TBCE: variants seen among roughly 807,000 people sequenced by gnomAD.
The protein encoded by TBCE is tubulin-specific chaperone E.
In TBCE, 53 loss-of-function variants were observed where a neutral mutation model predicts 77.0. The observed-to-expected ratio is 0.69, with a 90% CI of 0.55 to 0.87. The LOEUF is 0.87. Among genes scored for constraint, TBCE ranks in the 40% least tolerant of loss-of-function variants. The pLI, the probability that TBCE is intolerant of heterozygous loss-of-function variation, is 0.00. For missense variants in TBCE, 624 were observed against 622.4 expected, an observed-to-expected ratio of 1.00 and a Z score of -0.03; for synonymous variants, 235 against 241.3, an observed-to-expected ratio of 0.97 and a Z score of 0.24.
chr1:235,404,044 C>A (rs750696341), intron 3 of TBCE, among the ~76,000 whole-genome samples: 2 of 152,084 alleles, frequency 1.3e-5, no homozygotes, highest in Non-Finnish European at 2.9e-5. Context: ...TTTGGGAGGC[C>A]AAGGCAGGCG....
intron 2 of TBCE, among the ~76,000 whole-genome samples, chr1:235,382,061 A>T (rs966064871): frequency 6.8e-6 from 1 of 147,394 alleles, no homozygotes; most frequent in East Asian, 2.0e-4. Context: ...GAGAACATGC[A>T]GTGTTTGGTT....
chr1:235,446,829 C>T (rs539001401), intron 15 of TBCE, among the ~76,000 whole-genome samples: 135 of 151,722 alleles, frequency 8.9e-4, no homozygotes, highest in African/African-American at 2.9e-3. Flanking sequence ...GGACTAGAGG[C>T]GTACATCGCT....
chr1:235,369,827 T>A (rs1676797041), intron 1 of TBCE, among the ~76,000 whole-genome samples: 1 of 144,998 alleles, frequency 6.9e-6, no homozygotes, highest in Non-Finnish European at 1.5e-5. Flanking sequence ...GGCAAAACTC[T>A]GTCTCAAAAA....
intron 1 of TBCE, among the ~76,000 whole-genome samples, chr1:235,378,365 C>T (rs573822227): frequency 3.3e-5 from 5 of 149,928 alleles, no homozygotes; most frequent in African/African-American, 7.4e-5. Flanking sequence ...GGACTACAGG[C>T]GTGTGCCACA....
At chr1:235,399,621 G>C (rs2102853956) in intron 2 of TBCE, among the ~76,000 whole-genome samples, 1 of 152,306 alleles carries the variant, frequency 6.6e-6, no homozygotes, top group South Asian at 2.1e-4. Flanking sequence ...CCCTTCCCCT[G>C]TACCTCGCCT....
chr1:235,399,000 C>G (rs545956501), intron 2 of TBCE, among the ~76,000 whole-genome samples: 94 of 150,934 alleles, frequency 6.2e-4, no homozygotes, highest in African/African-American at 2.2e-3. Flanking sequence ...GTCACTCAGG[C>G]TGGAGTGCAG....
At chr1:235,431,213 C>T (rs12726892) in intron 7 of TBCE, among the ~76,000 whole-genome samples, 19,621 of 152,064 alleles carry the variant, frequency 0.13, 1,619 homozygotes, top group African/African-American at 0.23. Flanking sequence ...GTTAGAAGTT[C>T]GGCTCTTGGA....
Position 235,449,978 on chromosome 1 carries a change from T to G in TBCE, c.*1216T>G. ...AAATAACTTGGTATTTTTCTGATAATCTTCCAATAGATAAATAAAAACTTT... is the reference window on the plus strand; with the variant it reads ...AAATAACTTGGTATTTTTCTGATAAGCTTCCAATAGATAAATAAAAACTTT... On this transcript the variant is annotated 3_prime_UTR_variant, in exon 17 of 17. Transcript: ENST00000642610. The G allele has an allele frequency of 2.5e-6, 1 of 392,330 alleles. No homozygotes were observed. Among genetic ancestry groups the G allele is most frequent in the Non-Finnish European group, 4.5e-6 (1 of 221,504 alleles). The allele number at this position is 392,330 out of a possible 1,614,324, so 24.3% of individuals were successfully genotyped here. A position where few individuals can be genotyped will look rare whatever the true frequency, so the allele number is the denominator to read the frequency against.
Position 235,380,061 on chromosome 1 carries a change from T to C in TBCE, c.12T>C (p.Thr4=). ...CTGGATATATTATAATGAGTGACAC[T>C]TTGACAGCGGATGTCATTGGTCGAA... MSD[T]LTADVIGRRV... Residue 4 remains threonine (T), a synonymous_variant, in exon 2 of 17, where the codon ACT becomes ACC. Transcript: ENST00000642610. 6.2e-7 allele frequency: 1 copy of C among 1,613,830 alleles called. No homozygotes were observed. The highest frequency in any genetic ancestry group is 2.2e-5 in the East Asian group (1 of 44,868).
chr1:235,442,851 GCACTGAAGATAAAATAC>G lies in TBCE; in HGVS notation c.1341_1357del (p.Leu448SerfsTer4). 2 of 1,613,754 alleles carry G rather than the reference GCACTGAAGATAAAATAC, an allele frequency of 1.2e-6. No individual in the cohort carries two copies. Among genetic ancestry groups the G allele is most frequent in the Non-Finnish European group, 1.7e-6 (2 of 1,179,804 alleles). The stretch of plus-strand genomic sequence containing the variant: ...AGTCTTTTTCTTTGTTTCTCTTAAA[GCACTGAAGATAAAATAC>G]CCTCATCAACTTGATCAGAAAGTCC... On this transcript the variant is annotated frameshift_variant and splice_region_variant, in exon 15 of 17. Transcript: ENST00000642610. LOFTEE classifies it high-confidence loss of function.
Position 235,432,916 on chromosome 1 carries a change from AT to A in TBCE, c.661-1277del, listed in dbSNP as rs747061160. On this transcript the variant is annotated intron_variant, in intron 7 of 16. Transcript: ENST00000642610. Reference sequence around the variant, plus strand: ...ATATAATATATAATAATTTTTTGTAATTTTTTTTTTTGTAAAAAAAAAAAAT... The same window carrying A: ...ATATAATATATAATAATTTTTTGTAATTTTTTTTTTGTAAAAAAAAAAAAT... The A allele has an allele frequency of 0.021, 16,164 of 775,760 alleles. 23 individuals are homozygous for A. The highest frequency in any genetic ancestry group is 0.038 in the African/African-American group (2,010 of 52,444). 48.1% of individuals were successfully genotyped at this position (775,760 alleles called of 1,614,324 possible).
chr1:235,416,356 A>G (rs1680112937), intron 4 of TBCE, among the ~76,000 whole-genome samples: 1 of 151,926 alleles, frequency 6.6e-6, no homozygotes, highest in Non-Finnish European at 1.5e-5. Flanking sequence ...TACAAAAAAA[A>G]TAAATAAATA....
At chr1:235,410,839 TAG>T (rs893977071) in intron 3 of TBCE, among the ~76,000 whole-genome samples, 3 of 152,246 alleles carry the variant, frequency 2.0e-5, no homozygotes, top group African/African-American at 7.2e-5. Flanking sequence ...GCATTCAGGG[TAG>T]AGGAGCTCAG....
chr1:235,451,830 C>T lies in TBCE; in HGVS notation c.*3068C>T, dbSNP rs910661535. The T allele has an allele frequency of 5.3e-5, 8 of 152,202 alleles. No individual in the cohort carries two copies. Among genetic ancestry groups the T allele is most frequent in the African/African-American group, 1.7e-4 (7 of 41,440 alleles). 9.4% of individuals were successfully genotyped at this position (152,202 alleles called of 1,614,324 possible). A position where few individuals can be genotyped will look rare whatever the true frequency, so the allele number is the denominator to read the frequency against. On this transcript the variant is annotated 3_prime_UTR_variant, in exon 17 of 17. Coordinates refer to ENST00000642610, the MANE Select transcript of TBCE (RefSeq NM_003193.5). ...CAGAAATCTCTGAAGCTAAAGCCAG[C>T]TTTGTGCTTGATTTCTTCCCAGGGC...
chr1:235,375,653 C>A (rs547968451), intron 1 of TBCE, among the ~76,000 whole-genome samples: 19 of 152,146 alleles, frequency 1.2e-4, no homozygotes, highest in Non-Finnish European at 2.5e-4. Context: ...CATAGGTCAC[C>A]AAGACATGGA....
chr1:235,403,500 A>G (rs1321839422), intron 3 of TBCE, among the ~76,000 whole-genome samples: 2 of 151,372 alleles, frequency 1.3e-5, no homozygotes, highest in Non-Finnish European at 2.9e-5. Flanking sequence ...GTGAGCCACC[A>G]CCCCCTGTGA....
At chr1:235,383,630 T>G (rs988286910) in intron 2 of TBCE, among the ~76,000 whole-genome samples, 3 of 152,220 alleles carry the variant, frequency 2.0e-5, no homozygotes, top group African/African-American at 7.2e-5. Context: ...CTGTTATTGG[T>G]GTATAAGAAT....
chr1:235,419,587 A>G, intron 5 of TBCE, 26 bp downstream of exon 5: 1 of 1,613,708 alleles, frequency 6.2e-7, no homozygotes, highest in South Asian at 1.1e-5. Flanking sequence ...AGAGCTTGTT[A>G]TTGGAATCTG....
chr1:235,400,024 T>A (rs1678996014), intron 2 of TBCE, among the ~76,000 whole-genome samples: 1 of 152,220 alleles, frequency 6.6e-6, no homozygotes, highest in Non-Finnish European at 1.5e-5. Context: ...ATTCATTTTT[T>A]ATTTTTCCTT....
Sources: allele counts gnomAD v4.1 joint callset (sites outside exome capture counted in the v4.1 genomes callset), GRCh38; gene constraint gnomAD v4.1.1; transcripts MANE v1.5; gene names NCBI Gene and HGNC (gene_info 2026-07-23, HGNC 2026-07-21).